PPFIBP1: variants seen among roughly 807,000 people sequenced by gnomAD.
PPFIBP1 encodes PPFIB scaffold protein 1, also known as liprin-beta-1.
PPFIBP1 carries 112 observed loss-of-function variants against 137.8 expected under a neutral mutation model. That is an observed-to-expected ratio of 0.81 (90% CI 0.70 to 0.95). PPFIBP1 has a LOEUF of 0.95. Among genes scored for constraint, PPFIBP1 ranks in the 40% least tolerant of loss-of-function variants. The pLI is 0.00. For synonymous variants in PPFIBP1, 378 were observed against 417.3 expected (o/e 0.91, Z 1.15); for missense variants, 1,083 against 1,196.6 (o/e 0.91, Z 1.40).
intron 1 of PPFIBP1, among the ~76,000 whole-genome samples, chr12:27,572,007 C>T (rs111676722): frequency 3.3e-5 from 5 of 152,108 alleles, no homozygotes; most frequent in African/African-American, 4.8e-5. Flanking sequence ...GACTGTAATC[C>T]GCAATCTCTG....
At chr12:27,596,071 T>C (rs865979497) in intron 2 of PPFIBP1, among the ~76,000 whole-genome samples, 1 of 130,706 alleles carries the variant, frequency 7.7e-6, no homozygotes, top group African/African-American at 2.9e-5. Context: ...TGGGTATAAA[T>C]ACACACACAC....
chr12:27,665,397 A>C (rs2059800159), intron 12 of PPFIBP1, among the ~76,000 whole-genome samples: 2 of 152,178 alleles, frequency 1.3e-5, no homozygotes, highest in African/African-American at 2.4e-5. Flanking sequence ...GAAATCAAGA[A>C]AGACGTTTCC....
intron 14 of PPFIBP1, among the ~76,000 whole-genome samples, 196 bp from the exon 15 acceptor site, chr12:27,672,207 GAAAAGGATACAGTAGTTTGTCTCT>G (rs937818440): frequency 3.1e-4 from 47 of 152,268 alleles, no homozygotes; most frequent in African/African-American, 1.1e-3. Context: ...AAGGGGACAG[GAAAAGGATACAGTAGTTTGTCTCT>G]AAGAAAATAG....
At chr12:27,661,075 G>A (rs2059515865) in intron 11 of PPFIBP1, 130 bp downstream of exon 11, 5 of 1,352,972 alleles carry the variant, frequency 3.7e-6, no homozygotes, top group Non-Finnish European at 5.0e-6. Context: ...AGGGGCAGGT[G>A]TGCACACTCC....
Position 27,679,469 on chromosome 12 carries a change from G to T in PPFIBP1, c.1616-20G>T, listed in dbSNP as rs1290251040. 1 of 1,596,666 alleles carries T rather than the reference G, an allele frequency of 6.3e-7. No homozygotes were observed. The highest frequency in any genetic ancestry group is 2.2e-5 in the East Asian group (1 of 44,820). ...TTCCATATTTTAAAATTCATTGTCT[G>T]CATTCTGCTCTTGGAGTAGCTGAAA... On this transcript the variant is annotated intron_variant, in intron 19 of 29. Transcript: ENST00000228425.
At chr12:27,661,066 G>C in intron 11 of PPFIBP1, 121 bp downstream of exon 11, 1 of 1,415,094 alleles carries the variant, frequency 7.1e-7, no homozygotes, top group Non-Finnish European at 9.5e-7. Context: ...CTAGGAGTGA[G>C]GGGCAGGTGT....
rs1592998419 is a variant in PPFIBP1 at position 27,633,351 on chromosome 12, T to A, written c.-35-11T>A. The A allele has an allele frequency of 6.4e-7, 1 of 1,556,276 alleles. No individual in the cohort carries two copies. The highest frequency in any genetic ancestry group is 8.8e-7 in the Non-Finnish European group (1 of 1,130,782). Reference sequence around the variant, plus strand: ...TTTAATGGATGTAATGATAACCTTATTTTTTTTCAGATCTGGGTTGGAATT... The same window carrying A: ...TTTAATGGATGTAATGATAACCTTAATTTTTTTCAGATCTGGGTTGGAATT... On this transcript the variant is annotated splice_polypyrimidine_tract_variant and intron_variant, in intron 2 of 29. Transcript: ENST00000228425.
At chr12:27,657,895 G>A (rs2059307861) in intron 9 of PPFIBP1, among the ~76,000 whole-genome samples, 1 of 151,988 alleles carries the variant, frequency 6.6e-6, no homozygotes, top group Non-Finnish European at 1.5e-5. Flanking sequence ...ATCGCTTGAG[G>A]CCAGGAGTTC....
chr12:27,655,692 A>C (rs2059154365), intron 8 of PPFIBP1, among the ~76,000 whole-genome samples: 1 of 152,206 alleles, frequency 6.6e-6, no homozygotes, highest in Non-Finnish European at 1.5e-5. Context: ...GTGCTACTGA[A>C]GACTTTTTGT....
At chr12:27,527,242 T>A (rs557521280) in intron 1 of PPFIBP1, among the ~76,000 whole-genome samples, 344 of 152,226 alleles carry the variant, frequency 2.3e-3, no homozygotes, top group African/African-American at 7.8e-3. Context: ...CAGCACTCTG[T>A]CTTTTCTTTT....
intron 1 of PPFIBP1, among the ~76,000 whole-genome samples, chr12:27,557,570 A>G (rs1169797172): frequency 1.3e-5 from 2 of 152,194 alleles, no homozygotes; most frequent in Non-Finnish European, 2.9e-5. Flanking sequence ...AATCTGAAAA[A>G]TTAAAACTGT....
chr12:27,526,225 A>G (rs1943734210), intron 1 of PPFIBP1, among the ~76,000 whole-genome samples: 1 of 152,236 alleles, frequency 6.6e-6, no homozygotes, highest in Non-Finnish European at 1.5e-5. Flanking sequence ...ACGGTTCAGT[A>G]AAGAAGAGTA....
At chr12:27,587,466 C>CA (rs1471776801) in intron 2 of PPFIBP1, among the ~76,000 whole-genome samples, 1 of 151,268 alleles carries the variant, frequency 6.6e-6, no homozygotes, top group African/African-American at 2.4e-5. Flanking sequence ...ACTAAAAATA[C>CA]AAAAAAATTA....
intron 1 of PPFIBP1, among the ~76,000 whole-genome samples, chr12:27,557,596 C>G (rs190998761): frequency 6.6e-6 from 1 of 152,078 alleles, no homozygotes; most frequent in Non-Finnish European, 1.5e-5. Flanking sequence ...TTCCCAGGAA[C>G]CCTAAAAGTC....
chr12:27,659,943 T>TA (rs1026399974), intron 10 of PPFIBP1, among the ~76,000 whole-genome samples: 7 of 151,310 alleles, frequency 4.6e-5, no homozygotes, highest in African/African-American at 1.7e-4. Flanking sequence ...ATGCTGTCTC[T>TA]AAAAAAAAGT....
Position 27,685,781 on chromosome 12 carries a change from A to T in PPFIBP1, c.2248-1604A>T, listed in dbSNP as rs140839455. Among the ~76,000 whole-genome samples the T allele has an allele frequency of 3.3e-3, 500 of 152,326 alleles. 3 individuals are homozygous for T. The highest frequency in any genetic ancestry group is 0.011 in the African/African-American group (467 of 41,578). ...AGTCTTGATGAATGTAATCATGATTATGTCAGATGTTAACATTAGAGGAGG... is the reference window on the plus strand; with the variant it reads ...AGTCTTGATGAATGTAATCATGATTTTGTCAGATGTTAACATTAGAGGAGG... On this transcript the variant is annotated intron_variant, in intron 24 of 29. Transcript: ENST00000228425.
chr12:27,643,285 G>A (rs540354629), intron 4 of PPFIBP1, among the ~76,000 whole-genome samples: 4 of 137,814 alleles, frequency 2.9e-5, no homozygotes, highest in Non-Finnish European at 6.2e-5. Context: ...AACACCTATC[G>A]TCATTCTTCC....
At chr12:27,599,412 C>T in intron 2 of PPFIBP1, 1 of 455,346 alleles carries the variant, frequency 2.2e-6, no homozygotes, top group Non-Finnish European at 4.4e-6. Flanking sequence ...TGGAGCTATA[C>T]CCTTGGGTTT....
Position 27,634,953 on chromosome 12 carries a change from A to G in PPFIBP1, c.108A>G (p.Gln36=), listed in dbSNP as rs373361507. 26 of 1,613,958 alleles carry G rather than the reference A, an allele frequency of 1.6e-5. No individual in the cohort carries two copies. In the African/African-American group the frequency reaches 2.7e-4, roughly 17 times the overall value. Residue 36 remains glutamine (Q), a synonymous_variant, in exon 4 of 30, where the codon CAA becomes CAG. Coordinates refer to ENST00000228425, the MANE Select transcript of PPFIBP1 (RefSeq NM_003622.4). ...LEYSNGIFDC[Q]SPTSPFMGSL... ...ATTCCAATGGGATTTTTGATTGCCA[A>G]TCTCCCACCTCTCCATTCATGGGAA...
Sources: allele counts gnomAD v4.1 joint callset (sites outside exome capture counted in the v4.1 genomes callset), GRCh38; gene constraint gnomAD v4.1.1; transcripts MANE v1.5; gene names NCBI Gene and HGNC (gene_info 2026-07-23, HGNC 2026-07-21).